Variants in MACROH2A2 observed in about 807,000 individuals in gnomAD.
The protein encoded by MACROH2A2 is core histone macro-H2A.2.
MACROH2A2 carries 6 observed loss-of-function variants against 37.6 expected under a neutral mutation model. That is an observed-to-expected ratio of 0.16 (90% CI 0.09 to 0.32). The LOEUF is 0.32. MACROH2A2 is among the 10% of genes least tolerant of loss of function. The pLI, the probability that MACROH2A2 is intolerant of heterozygous loss-of-function variation, is 1.00. For missense variants in MACROH2A2, 290 were observed against 485.9 expected (o/e 0.60, Z 3.79); for synonymous variants, 192 against 202.7 (o/e 0.95, Z 0.45).
intron 2 of MACROH2A2, among the ~76,000 whole-genome samples, chr10:70,079,819 G>A (rs370560370): frequency 2.2e-4 from 33 of 152,158 alleles, no homozygotes; most frequent in African/African-American, 3.4e-4. Flanking sequence ...TCTGGAGGGC[G>A]GAGTCAGCTC....
intron 5 of MACROH2A2, among the ~76,000 whole-genome samples, chr10:70,094,879 TTC>T (rs2072265584): frequency 6.6e-6 from 1 of 152,200 alleles, no homozygotes; most frequent in South Asian, 2.1e-4. Context: ...AGCCCATTAC[TTC>T]TCTCCAGCAA....
At chr10:70,102,977 G>A (rs993497136) in intron 7 of MACROH2A2, among the ~76,000 whole-genome samples, 5 of 139,480 alleles carry the variant, frequency 3.6e-5, no homozygotes, top group African/African-American at 9.1e-5. Flanking sequence ...ATGCAGAGTC[G>A]CTTCACTTTG....
intron 2 of MACROH2A2, among the ~76,000 whole-genome samples, chr10:70,077,568 G>A (rs189034787): frequency 1.7e-4 from 26 of 149,188 alleles, no homozygotes; most frequent in Non-Finnish European, 3.7e-4. Flanking sequence ...GTGACAGAGC[G>A]AGACTCCGTC....
intron 1 of MACROH2A2, among the ~76,000 whole-genome samples, chr10:70,071,960 C>T (rs2072113752): frequency 6.6e-6 from 1 of 152,166 alleles, no homozygotes; most frequent in Non-Finnish European, 1.5e-5. Flanking sequence ...ATGTTAGCTA[C>T]ACTACATTTA....
In MACROH2A2 at chr10:70,111,813, G is replaced by C. The variant is rs1193382230; in HGVS notation, c.*130G>C. Reference sequence around the variant, plus strand: ...GGCCGGGCAGGTCCTGCCGGCGCAGGGAGCCCTCTGCCCTTCACACTCTCC... The same window carrying C: ...GGCCGGGCAGGTCCTGCCGGCGCAGCGAGCCCTCTGCCCTTCACACTCTCC... On this transcript the variant is annotated 3_prime_UTR_variant, in exon 9 of 9. Transcript: ENST00000373255. 2 of 682,852 alleles carry C rather than the reference G, an allele frequency of 2.9e-6. No homozygotes were observed. Among genetic ancestry groups the C allele is most frequent in the Non-Finnish European group, 4.5e-6 (2 of 441,060 alleles). The allele number at this position is 682,852 out of a possible 1,614,324, so 42.3% of individuals were successfully genotyped here.
intron 1 of MACROH2A2, among the ~76,000 whole-genome samples, chr10:70,057,228 ACAG>A (rs2072023272): frequency 6.6e-6 from 1 of 152,120 alleles, no homozygotes; most frequent in South Asian, 2.1e-4. Context: ...TTTTGGAAGA[ACAG>A]CCCAGTTGCA....
chr10:70,082,245 C>A (rs1469669156), intron 2 of MACROH2A2, among the ~76,000 whole-genome samples: 2 of 151,966 alleles, frequency 1.3e-5, no homozygotes, highest in African/African-American at 4.8e-5. Context: ...CATGGAGAAA[C>A]CCCGTCTCTA....
intron 1 of MACROH2A2, among the ~76,000 whole-genome samples, chr10:70,066,175 CA>C (rs571532804): frequency 6.6e-6 from 1 of 151,990 alleles, no homozygotes; most frequent in Admixed American, 6.6e-5. Context: ...CCCATCTCTA[CA>C]AAAAAATCAG....
At chr10:70,064,605 A>G (rs562949306) in intron 1 of MACROH2A2, among the ~76,000 whole-genome samples, 226 of 152,216 alleles carry the variant, frequency 1.5e-3, no homozygotes, top group African/African-American at 5.1e-3. Context: ...TAACTGAATC[A>G]TGGGAGCTGG....
chr10:70,105,452 G>C (rs2072331710), intron 7 of MACROH2A2, among the ~76,000 whole-genome samples: 1 of 152,228 alleles, frequency 6.6e-6, no homozygotes, highest in African/African-American at 2.4e-5. Context: ...TGTGGAGACA[G>C]AGGTGCAGCC....
intron 2 of MACROH2A2, among the ~76,000 whole-genome samples, chr10:70,079,606 C>T (rs1435894466): frequency 6.6e-6 from 1 of 150,834 alleles, no homozygotes; most frequent in East Asian, 2.0e-4. Context: ...CACACACACA[C>T]GGCAGAGGAG....
At chr10:70,076,857 C>G (rs896330766) in intron 2 of MACROH2A2, among the ~76,000 whole-genome samples, 7 of 152,118 alleles carry the variant, frequency 4.6e-5, no homozygotes, top group African/African-American at 1.7e-4. Flanking sequence ...TCTTTAGATG[C>G]TCAGTCCTGC....
chr10:70,103,976 T>A (rs1308204451), intron 7 of MACROH2A2, among the ~76,000 whole-genome samples: 1 of 151,978 alleles, frequency 6.6e-6, no homozygotes, highest in Non-Finnish European at 1.5e-5. Flanking sequence ...TACAAAAGTC[T>A]GCACCAAGGA....
intron 1 of MACROH2A2, among the ~76,000 whole-genome samples, chr10:70,057,680 A>G (rs1276836832): frequency 1.3e-5 from 2 of 152,236 alleles, no homozygotes; most frequent in Non-Finnish European, 2.9e-5. Context: ...AATAGAGTGG[A>G]CAAAGAGGCA....
chr10:70,056,575 A>G (rs2072018749), intron 1 of MACROH2A2, among the ~76,000 whole-genome samples: 1 of 152,240 alleles, frequency 6.6e-6, no homozygotes, highest in Admixed American at 6.5e-5. Flanking sequence ...AATTTACTAC[A>G]GTAGTTTGTA....
intron 2 of MACROH2A2, among the ~76,000 whole-genome samples, chr10:70,085,510 C>T (rs991759802): frequency 3.9e-5 from 6 of 152,218 alleles, no homozygotes; most frequent in African/African-American, 1.4e-4. Flanking sequence ...CACTCCACCT[C>T]ACCTGTCCCA....
rs893455083 is a variant in MACROH2A2 at position 70,100,444 on chromosome 10, T to C, written c.778+147T>C. ...AGCTGTTTTAGCATCTCAGGTAATTTGGGCAGGCCCATAGAGATCCTTTCA... is the reference window on the plus strand; with the variant it reads ...AGCTGTTTTAGCATCTCAGGTAATTCGGGCAGGCCCATAGAGATCCTTTCA... On this transcript the variant is annotated intron_variant, in intron 7 of 8. Transcript: ENST00000373255. The C allele has an allele frequency of 3.9e-5, 23 of 592,658 alleles. No homozygotes were observed. In the South Asian group the frequency reaches 5.1e-4, roughly 13 times the overall value. 36.7% of individuals were successfully genotyped at this position (592,658 alleles called of 1,614,324 possible). A position where few individuals can be genotyped will look rare whatever the true frequency, so the allele number is the denominator to read the frequency against.
At chr10:70,089,831 T>C (rs1241460964) in intron 2 of MACROH2A2, among the ~76,000 whole-genome samples, 1 of 152,124 alleles carries the variant, frequency 6.6e-6, no homozygotes, top group African/African-American at 2.4e-5. Context: ...CAATCATAGC[T>C]CACTGCAGCC....
rs149708840 is a variant in MACROH2A2 at position 70,111,591 on chromosome 10, G to A, written c.1027G>A (p.Ala343Thr). The A allele has an allele frequency of 7.4e-6, 12 of 1,613,654 alleles. No individual in the cohort carries two copies. In the East Asian group the frequency reaches 1.6e-4, roughly 21 times the overall value. ...AISAHFDDSS[A>T]SSLKNVYFLL... ...CTCAGCCCACTTTGATGACTCGAGC[G>A]CGTCCTCGCTGAAGAACGTGTACTT... is the stretch of plus-strand genomic sequence containing the variant. The change falls in exon 9 of 9, where the codon GCG becomes ACG. Residue 343 changes from alanine to threonine, a missense_variant. Coordinates refer to ENST00000373255, the MANE Select transcript of MACROH2A2 (RefSeq NM_018649.3).
Sources: allele counts gnomAD v4.1 joint callset (sites outside exome capture counted in the v4.1 genomes callset), GRCh38; gene constraint gnomAD v4.1.1; transcripts MANE v1.5; gene names NCBI Gene and HGNC (gene_info 2026-07-23, HGNC 2026-07-21).